Variants in PPARGC1A observed in about 807,000 individuals in gnomAD.
PPARGC1A encodes peroxisome proliferator-activated receptor gamma coactivator 1-alpha.
Under a neutral mutation model 88.7 loss-of-function variants are expected in PPARGC1A, and 25 were observed. That is an observed-to-expected ratio of 0.28 (90% CI 0.21 to 0.39). The LOEUF is 0.39. Ranked by LOEUF, PPARGC1A falls within the 10% of genes least tolerant of loss-of-function variation. The pLI, the probability that PPARGC1A is intolerant of heterozygous loss-of-function variation, is 1.00. For synonymous variants in PPARGC1A, 363 were observed against 355.6 expected (o/e 1.02, Z -0.24); for missense variants, 880 against 968.7 (o/e 0.91, Z 1.22).
At chr4:23,947,355 A>G in the PPARGC1A span, among the ~76,000 whole-genome samples, 1 of 16,200 alleles carries the variant, frequency 6.2e-5, no homozygotes, top group African/African-American at 1.1e-4. Context: ...ATATAGTGAT[A>G]TATATATATA....
the PPARGC1A span, among the ~76,000 whole-genome samples, chr4:23,926,360 C>G: frequency 1.3e-5 from 2 of 152,140 alleles, no homozygotes; most frequent in African/African-American, 2.4e-5. Context: ...CCAATCCACC[C>G]AAACCAAAAA....
chr4:23,937,845 G>T, the PPARGC1A span, among the ~76,000 whole-genome samples: 1 of 152,074 alleles, frequency 6.6e-6, no homozygotes, highest in Non-Finnish European at 1.5e-5. Context: ...ATATTTTTCT[G>T]CCTCATCATC....
chr4:24,217,662 G>A, the PPARGC1A span, among the ~76,000 whole-genome samples: 1 of 152,160 alleles, frequency 6.6e-6, no homozygotes, highest in South Asian at 2.1e-4. Flanking sequence ...AATTAGCCCT[G>A]TGTGGTGGTG....
chr4:23,986,824 C>G, the PPARGC1A span, among the ~76,000 whole-genome samples: 1 of 151,958 alleles, frequency 6.6e-6, no homozygotes, highest in African/African-American at 2.4e-5. Flanking sequence ...CATTATTGAG[C>G]CTCCACGTTA....
chr4:24,175,559 T>C, the PPARGC1A span, among the ~76,000 whole-genome samples: 11 of 144,560 alleles, frequency 7.6e-5, no homozygotes, highest in Non-Finnish European at 1.4e-4. Flanking sequence ...TTTTTTTTTT[T>C]GTATTTTTAG....
chr4:23,999,099 A>C, the PPARGC1A span, among the ~76,000 whole-genome samples: 3 of 152,236 alleles, frequency 2.0e-5, no homozygotes, highest in African/African-American at 7.2e-5. Context: ...GACAACAAAG[A>C]AAACAGCATA....
intron 3 of PPARGC1A, among the ~76,000 whole-genome samples, chr4:23,831,244 T>G (rs1314046811): frequency 6.6e-6 from 1 of 152,236 alleles, no homozygotes; most frequent in Non-Finnish European, 1.5e-5. Context: ...GGTGAAATTT[T>G]TAGTCTTTTC....
chr4:23,910,612 G>A, the PPARGC1A span, among the ~76,000 whole-genome samples: 1 of 149,164 alleles, frequency 6.7e-6, no homozygotes, highest in Non-Finnish European at 1.5e-5. Context: ...GCTAATTTTT[G>A]TATTTTTAGG....
At chr4:23,983,176 C>A in the PPARGC1A span, among the ~76,000 whole-genome samples, 1 of 151,980 alleles carries the variant, frequency 6.6e-6, no homozygotes, top group South Asian at 2.1e-4. Context: ...AAAATGTAGT[C>A]ATTGTACCTA....
the PPARGC1A span, among the ~76,000 whole-genome samples, chr4:24,273,688 G>C: frequency 2.6e-5 from 4 of 151,124 alleles, no homozygotes; most frequent in Admixed American, 6.6e-5. Context: ...GTGTTGTATG[G>C]ACGAGACTCT....
chr4:23,979,035 G>A, the PPARGC1A span, among the ~76,000 whole-genome samples: 1 of 151,978 alleles, frequency 6.6e-6, no homozygotes, highest in Non-Finnish European at 1.5e-5. Flanking sequence ...AATAGAAGAA[G>A]GAAATATGAG....
chr4:23,845,236 T>C (rs1346788091), intron 2 of PPARGC1A, among the ~76,000 whole-genome samples: 1 of 152,090 alleles, frequency 6.6e-6, no homozygotes, highest in Non-Finnish European at 1.5e-5. Context: ...TTTTACATTA[T>C]GTAAGGAAGA....
At chr4:24,021,170 C>T in the PPARGC1A span, among the ~76,000 whole-genome samples, 1 of 152,226 alleles carries the variant, frequency 6.6e-6, no homozygotes, top group Non-Finnish European at 1.5e-5. Context: ...CTTGCAGGCA[C>T]AGGAGAAATG....
At chr4:24,009,755 C>T in the PPARGC1A span, among the ~76,000 whole-genome samples, 1 of 152,188 alleles carries the variant, frequency 6.6e-6, no homozygotes, top group African/African-American at 2.4e-5. Context: ...CAACTTCCCA[C>T]AAACAGGCTG....
At chr4:23,926,126 T>C in the PPARGC1A span, among the ~76,000 whole-genome samples, 1 of 152,176 alleles carries the variant, frequency 6.6e-6, no homozygotes. Flanking sequence ...TTCTTCTCAG[T>C]CTTCCTTGGC....
chr4:24,275,017 A>G, the PPARGC1A span, among the ~76,000 whole-genome samples: 4 of 152,210 alleles, frequency 2.6e-5, no homozygotes, highest in African/African-American at 9.6e-5. Context: ...CAATCAGATG[A>G]AAAAGAAACA....
At chr4:24,413,986 G>A in the PPARGC1A span, among the ~76,000 whole-genome samples, 1 of 152,092 alleles carries the variant, frequency 6.6e-6, no homozygotes, top group Non-Finnish European at 1.5e-5. Context: ...TGACAAGGCT[G>A]GTAAAAAGCA....
the PPARGC1A span, among the ~76,000 whole-genome samples, chr4:23,962,143 A>G: frequency 6.6e-6 from 1 of 152,090 alleles, no homozygotes; most frequent in South Asian, 2.1e-4. Flanking sequence ...AATAACAACA[A>G]GGGAAAGTAG....
chr4:24,265,073 C>T, the PPARGC1A span, among the ~76,000 whole-genome samples: 3 of 152,210 alleles, frequency 2.0e-5, no homozygotes, highest in South Asian at 6.2e-4. Context: ...CCACGGAACC[C>T]TTTGGCATGG....
Sources: allele counts gnomAD v4.1 joint callset (sites outside exome capture counted in the v4.1 genomes callset), GRCh38; gene constraint gnomAD v4.1.1; transcripts MANE v1.5; gene names NCBI Gene and HGNC (gene_info 2026-07-23, HGNC 2026-07-21).